The following MAPK14 variants were observed in gnomAD, a reference collection of about 807,000 sequenced individuals.
The protein encoded by MAPK14 is CSAID-binding protein.
MAPK14 carries 16 observed loss-of-function variants against 49.6 expected under a neutral mutation model. The ratio of observed to expected loss-of-function variants is 0.32; its 90% confidence interval spans 0.22 to 0.49. The LOEUF (loss-of-function observed/expected upper bound fraction) is 0.49. MAPK14 is among the 20% of genes least tolerant of loss of function. MAPK14 has a pLI of 0.99. For synonymous variants in MAPK14, 142 were observed against 158.0 expected (o/e 0.90, Z 0.76); for missense variants, 200 against 441.2 (o/e 0.45, Z 4.90).
intron 8 of MAPK14, among the ~76,000 whole-genome samples, chr6:36,078,690 T>C (rs1764628086): frequency 6.6e-6 from 1 of 152,240 alleles, no homozygotes; most frequent in Non-Finnish European, 1.5e-5. Context: ...TTTAGTTATT[T>C]ATTTTATTCT....
At chr6:36,070,821 A>C (rs1764239532) in intron 3 of MAPK14, among the ~76,000 whole-genome samples, 1 of 152,124 alleles carries the variant, frequency 6.6e-6, no homozygotes, top group East Asian at 1.9e-4. Context: ...GTGTGTAGGT[A>C]TATAAAGAGA....
intron 2 of MAPK14, among the ~76,000 whole-genome samples, chr6:36,055,455 G>T (rs752660789): frequency 3.9e-5 from 6 of 151,906 alleles, no homozygotes; most frequent in Non-Finnish European, 8.8e-5. Flanking sequence ...CTTAATATTT[G>T]CCAGGCTTTG....
chr6:36,099,144 A>C (rs540296456), intron 9 of MAPK14, among the ~76,000 whole-genome samples: 1 of 152,316 alleles, frequency 6.6e-6, no homozygotes, highest in African/African-American at 2.4e-5. Flanking sequence ...CCATGAAGTA[A>C]AATTGCTTGG....
chr6:36,105,000 C>T (rs568401072), intron 10 of MAPK14, among the ~76,000 whole-genome samples: 79 of 152,284 alleles, frequency 5.2e-4, no homozygotes, highest in East Asian at 2.5e-3. Flanking sequence ...AGCATTTAAA[C>T]GTGCCTTACA....
In MAPK14 at chr6:36,028,373, A is replaced by G. The variant is rs1762393042; in HGVS notation, c.116+100A>G. On this transcript the variant is annotated intron_variant, in intron 1 of 11. Coordinates refer to ENST00000229794, the MANE Select transcript of MAPK14 (RefSeq NM_139012.3). The surrounding 1 kb of genome is among the most constrained non-coding windows in gnomAD (Gnocchi z 5.1). ...CTCAGCGTTGCGTCAAGTGGCAGGAATTTTCCTCGGGGGAGGGCATTGCTG... is the reference window on the plus strand; with the variant it reads ...CTCAGCGTTGCGTCAAGTGGCAGGAGTTTTCCTCGGGGGAGGGCATTGCTG... 1.1e-5 allele frequency: 9 copies of G among 826,314 alleles called. No individual in the cohort carries two copies. In the East Asian group the frequency reaches 2.5e-4, roughly 23 times the overall value. 51.2% of individuals were successfully genotyped at this position (826,314 alleles called of 1,614,324 possible).
chr6:36,123,965 T>C, the MAPK14 span, among the ~76,000 whole-genome samples: 1 of 151,466 alleles, frequency 6.6e-6, no homozygotes, highest in Non-Finnish European at 1.5e-5. Context: ...GAAGGCTGGC[T>C]GAGAGGTGCC....
chr6:36,076,771 C>T, intron 8 of MAPK14, 163 bp downstream of exon 8: 1 of 466,532 alleles, frequency 2.1e-6, no homozygotes, highest in Non-Finnish European at 3.8e-6. Context: ...GCTTGCCTTG[C>T]CAAGAAAGAG....
At chr6:36,066,551 A>C (rs1425168066) in intron 3 of MAPK14, among the ~76,000 whole-genome samples, 1 of 152,196 alleles carries the variant, frequency 6.6e-6, no homozygotes, top group Non-Finnish European at 1.5e-5. Flanking sequence ...CCTCTAAAGA[A>C]GGTAATAACT....
chr6:36,083,134 C>A (rs1026982574), intron 8 of MAPK14, among the ~76,000 whole-genome samples: 10 of 152,154 alleles, frequency 6.6e-5, no homozygotes, highest in Non-Finnish European at 1.3e-4. Flanking sequence ...CCTGCACCGG[C>A]AACTGAGGTA....
Position 36,110,657 on chromosome 6 carries a change from A to G in MAPK14, c.*2210A>G, listed in dbSNP as rs1419844572. On this transcript the variant is annotated 3_prime_UTR_variant, in exon 12 of 12. Transcript: ENST00000229794. ...GAAAACAAAAGAGAGAATGAGGGAAATTGCTATTTTATTTGTATTCATGAA... is the reference window on the plus strand; with the variant it reads ...GAAAACAAAAGAGAGAATGAGGGAAGTTGCTATTTTATTTGTATTCATGAA... 1 of 152,512 alleles carries G rather than the reference A, an allele frequency of 6.6e-6. No homozygotes were observed. The highest frequency in any genetic ancestry group is 2.4e-5 in the African/African-American group (1 of 41,452). The allele number at this position is 152,512 out of a possible 1,614,324, so 9.4% of individuals were successfully genotyped here. A position where few individuals can be genotyped will look rare whatever the true frequency, so the allele number is the denominator to read the frequency against.
chr6:36,045,808 CAAAAAAA>C (rs371920281), intron 1 of MAPK14, among the ~76,000 whole-genome samples: 1 of 46,388 alleles, frequency 2.2e-5, no homozygotes, highest in Non-Finnish European at 4.6e-5. Context: ...GACTCTGTCT[CAAAAAAA>C]AAAAAAAAAA....
Position 36,048,918 on chromosome 6 carries a change from G to A in MAPK14, c.117-3781G>A, listed in dbSNP as rs73407864. On this transcript the variant is annotated intron_variant, in intron 1 of 11. Coordinates refer to ENST00000229794, the MANE Select transcript of MAPK14 (RefSeq NM_139012.3). Reference sequence around the variant, plus strand: ...AGATGAGATTATCTAGAAAGAGAATGTGGGAGAGAGAAGAGGGCCCAGTAC... The same window carrying A: ...AGATGAGATTATCTAGAAAGAGAATATGGGAGAGAGAAGAGGGCCCAGTAC... Among the ~76,000 whole-genome samples the A allele has an allele frequency of 3.9e-3, 599 of 152,308 alleles. 4 individuals carry two copies. The highest frequency in any genetic ancestry group is 0.014 in the African/African-American group (564 of 41,570).
At chr6:36,084,561 T>C (rs1378587795) in intron 8 of MAPK14, among the ~76,000 whole-genome samples, 4 of 152,138 alleles carry the variant, frequency 2.6e-5, no homozygotes, top group African/African-American at 9.7e-5. Flanking sequence ...CAAGTATCAA[T>C]AGCCAAATAG....
rs532398116 is a variant in MAPK14, at chr6:36,087,392, C to G, written c.683-8595C>G. Among the ~76,000 whole-genome samples the G allele has an allele frequency of 1.8e-4, 27 of 152,322 alleles. No homozygotes were observed. In the South Asian group the frequency reaches 2.5e-3, roughly 14 times the overall value. On this transcript the variant is annotated intron_variant, in intron 8 of 11. Transcript: ENST00000229794. ...CTATATCTAGAAAACCTTGTTGTCT[C>G]AGCCCAAAAGCTTCTTAAGCTGATA...
chr6:36,097,883 A>C (rs1190828877), intron 9 of MAPK14: 1 of 151,586 alleles, frequency 6.6e-6, no homozygotes, highest in African/African-American at 2.4e-5. Flanking sequence ...CTCAAATAAT[A>C]TTATATTGAG....
rs73407849 is a variant in MAPK14, at chr6:36,038,654, T to C, written c.116+10381T>C. On this transcript the variant is annotated intron_variant, in intron 1 of 11. Coordinates refer to ENST00000229794, the MANE Select transcript of MAPK14 (RefSeq NM_139012.3). Reference sequence around the variant, plus strand: ...ATGAATTGGTGCAAGCCCTGACCCATGCTCACAACTCTCATTCCAGCAGTC... The same window carrying C: ...ATGAATTGGTGCAAGCCCTGACCCACGCTCACAACTCTCATTCCAGCAGTC... Among the ~76,000 whole-genome samples the C allele has an allele frequency of 3.9e-3, 596 of 152,292 alleles. 4 individuals are homozygous for C. Among genetic ancestry groups the C allele is most frequent in the African/African-American group, 0.013 (561 of 41,574 alleles).
intron 8 of MAPK14, among the ~76,000 whole-genome samples, chr6:36,078,715 C>T (rs1764629400): frequency 6.6e-6 from 1 of 152,150 alleles, no homozygotes; most frequent in Non-Finnish European, 1.5e-5. Flanking sequence ...GGCTCTTTTT[C>T]AGACAGATGT....
At position 36,027,844 on chromosome 6, in the gene MAPK14, G is replaced by A. The variant is rs900947934; in HGVS notation, c.-314G>A. On this transcript the variant is annotated 5_prime_UTR_variant, in exon 1 of 12. Coordinates refer to ENST00000229794, the MANE Select transcript of MAPK14 (RefSeq NM_139012.3). ...AGCGGGCGCAGCAGCTGGAACGGGA[G>A]TACTGCGACGCAGCCCGGAGTCGGC... The A allele has an allele frequency of 5.0e-6, 2 of 402,338 alleles. No individual in the cohort carries two copies. The highest frequency in any genetic ancestry group is 8.8e-5 in the Admixed American group (2 of 22,740). The allele number at this position is 402,338 out of a possible 1,614,324, so 24.9% of individuals were successfully genotyped here.
chr6:36,094,464 T>G (rs1327180895), intron 8 of MAPK14, among the ~76,000 whole-genome samples: 1 of 152,226 alleles, frequency 6.6e-6, no homozygotes, highest in Non-Finnish European at 1.5e-5. Flanking sequence ...AGCCTGGGGT[T>G]TGGTGACTCC....
Sources: allele counts gnomAD v4.1 joint callset (sites outside exome capture counted in the v4.1 genomes callset), GRCh38; gene constraint gnomAD v4.1.1; non-coding constraint Gnocchi (gnomAD v3.1); transcripts MANE v1.5; gene names NCBI Gene and HGNC (gene_info 2026-07-23, HGNC 2026-07-21).